ANTXR2: variants seen among roughly 807,000 people sequenced by gnomAD.
ANTXR2 encodes the protein anthrax toxin receptor 2.
ANTXR2 carries 44 observed loss-of-function variants against 73.7 expected under a neutral mutation model. That is an observed-to-expected ratio of 0.60 (90% confidence interval 0.47 to 0.77). The LOEUF (loss-of-function observed/expected upper bound fraction) is 0.77, where lower values mean the gene tolerates loss of function less well. ANTXR2 is among the 30% of genes least tolerant of loss of function. The pLI is 0.00. For synonymous variants in ANTXR2, 217 were observed against 205.9 expected, an observed-to-expected ratio of 1.05 and a Z score of -0.46; for missense variants, 604 against 592.5, an observed-to-expected ratio of 1.02 and a Z score of -0.20.
intron 12 of ANTXR2, among the ~76,000 whole-genome samples, chr4:79,991,969 C>T (rs1212993116): frequency 2.6e-5 from 4 of 151,726 alleles, no homozygotes; most frequent in African/African-American, 4.8e-5. Context: ...AGTGAGAACC[C>T]GGTAGAAAGG....
At chr4:80,046,944 A>G (rs1206674638) in intron 7 of ANTXR2, among the ~76,000 whole-genome samples, 1 of 151,798 alleles carries the variant, frequency 6.6e-6, no homozygotes, top group African/African-American at 2.4e-5. Context: ...ACATTTGGTG[A>G]CAAATATTAA....
intron 16 of ANTXR2, among the ~76,000 whole-genome samples, chr4:79,915,720 C>G (rs1727315623): frequency 6.6e-6 from 1 of 151,368 alleles, no homozygotes; most frequent in South Asian, 2.1e-4. Flanking sequence ...AACACAATAG[C>G]CATTTTGAGT....
At chr4:80,001,873 C>T (rs1161163025) in intron 12 of ANTXR2, among the ~76,000 whole-genome samples, 1 of 151,026 alleles carries the variant, frequency 6.6e-6, no homozygotes, top group Non-Finnish European at 1.5e-5. Flanking sequence ...GATTGCAACC[C>T]CTGCCTTTTT....
intron 16 of ANTXR2, among the ~76,000 whole-genome samples, chr4:79,967,157 C>T (rs1158739925): frequency 1.5e-5 from 1 of 66,142 alleles, no homozygotes; most frequent in African/African-American, 4.3e-5. Context: ...AAAGGGGTTA[C>T]GGATGCACCT....
intron 16 of ANTXR2, among the ~76,000 whole-genome samples, chr4:79,923,090 T>C (rs989714520): frequency 6.6e-6 from 1 of 152,014 alleles, no homozygotes; most frequent in African/African-American, 2.4e-5. Context: ...GGATGAGTGC[T>C]TAAAAATATT....
chr4:79,935,666 A>G (rs1728236258), intron 16 of ANTXR2, among the ~76,000 whole-genome samples: 1 of 152,214 alleles, frequency 6.6e-6, no homozygotes, highest in African/African-American at 2.4e-5. Flanking sequence ...GGCATGTGGG[A>G]TAGTGAGAAG....
chr4:80,014,104 G>C (rs1731723661), intron 11 of ANTXR2, among the ~76,000 whole-genome samples: 1 of 151,988 alleles, frequency 6.6e-6, no homozygotes. Flanking sequence ...TCTTCACTCG[G>C]TGTCTGGTCT....
In ANTXR2 at chr4:79,905,039, T is replaced by C. The variant is rs1010662099; in HGVS notation, c.*2390A>G. The C allele has an allele frequency of 1.3e-5, 2 of 152,182 alleles. No individual in the cohort carries two copies. Among genetic ancestry groups the C allele is most frequent in the Admixed American group, 1.3e-4 (2 of 15,262 alleles). 9.4% of individuals were successfully genotyped at this position (152,182 alleles called of 1,614,324 possible). A position where few individuals can be genotyped will look rare whatever the true frequency, so the allele number is the denominator to read the frequency against. On this transcript the variant is annotated 3_prime_UTR_variant, in exon 17 of 17. Transcript: ENST00000403729. ...CAGTCTTTGAACTTTATTAATGATA[T>C]TTTTTCAGTCTACATATAGACCACT... is the stretch of plus-strand genomic sequence containing the variant.
chr4:79,929,493 C>T (rs1206923992), intron 16 of ANTXR2, among the ~76,000 whole-genome samples: 2 of 152,148 alleles, frequency 1.3e-5, no homozygotes, highest in Non-Finnish European at 2.9e-5. Context: ...GGCTGGGCAA[C>T]AGAGCGAGAC....
At chr4:79,954,897 A>G (rs1332455705) in intron 16 of ANTXR2, among the ~76,000 whole-genome samples, 1 of 152,136 alleles carries the variant, frequency 6.6e-6, no homozygotes, top group Non-Finnish European at 1.5e-5. Context: ...AAAGTGATTG[A>G]TTTTCATTTA....
intron 11 of ANTXR2, among the ~76,000 whole-genome samples, chr4:80,016,354 T>C (rs1245079117): frequency 1.3e-5 from 2 of 152,164 alleles, no homozygotes; most frequent in Non-Finnish European, 1.5e-5. Context: ...TCTTTCTCTA[T>C]AATATGCTCC....
rs186450652 is a variant in ANTXR2 at position 80,067,931 on chromosome 4, T to A, written c.296+1505A>T. ...ATGCAGCAAACTACCACGGCACACG[T>A]TTACCTATGTAACAAACCTGCATGC... is the stretch of plus-strand genomic sequence containing the variant. On this transcript the variant is annotated intron_variant, in intron 3 of 16. Coordinates refer to ENST00000403729, the MANE Select transcript of ANTXR2 (RefSeq NM_058172.6). Among the ~76,000 whole-genome samples, 129 of 152,262 alleles carry A rather than the reference T, an allele frequency of 8.5e-4. 4 individuals are homozygous for A. The East Asian group carries it at 0.022, about 26-fold the overall frequency.
rs149709049 is a variant in ANTXR2, at chr4:80,059,257, T to C, written c.297-3244A>G. Among the ~76,000 whole-genome samples the C allele has an allele frequency of 3.3e-3, 495 of 152,014 alleles. 2 individuals carry two copies. The highest frequency in any genetic ancestry group is 6.8e-3 in the Middle Eastern group (2 of 294). On this transcript the variant is annotated intron_variant, in intron 3 of 16. Transcript: ENST00000403729. ...AGCCCTGGTTTTCTTTAATTGAGAA[T>C]TGGGGGACCAAATTCCATTATCAAC... is the stretch of plus-strand genomic sequence containing the variant.
Position 80,068,598 on chromosome 4 carries a change from C to T in ANTXR2, c.296+838G>A, listed in dbSNP as rs530218843. On this transcript the variant is annotated intron_variant, in intron 3 of 16. Coordinates refer to ENST00000403729, the MANE Select transcript of ANTXR2 (RefSeq NM_058172.6). ...AACCTGGCCAATACAGTGAAACCCC[C>T]GTCTCTACTAAAAAAATACAAAAAT... Among the ~76,000 whole-genome samples the T allele has an allele frequency of 8.0e-4, 122 of 152,020 alleles. 1 individual carries two copies. Among genetic ancestry groups the T allele is most frequent in the African/African-American group, 2.7e-3 (110 of 41,466 alleles).
intron 16 of ANTXR2, among the ~76,000 whole-genome samples, chr4:79,959,854 A>C (rs965409561): frequency 2.2e-4 from 34 of 152,342 alleles, no homozygotes; most frequent in African/African-American, 7.9e-4. Flanking sequence ...CGCATTGTCT[A>C]AGAATGATGT....
chr4:80,020,286 T>C (rs1351651098), intron 10 of ANTXR2, among the ~76,000 whole-genome samples: 1 of 152,064 alleles, frequency 6.6e-6, no homozygotes, highest in Non-Finnish European at 1.5e-5. Flanking sequence ...TTCAGGAGGC[T>C]GTGGCAGGAG....
chr4:80,029,791 A>C (rs7684375), intron 10 of ANTXR2, among the ~76,000 whole-genome samples: 15,750 of 151,572 alleles, frequency 0.1, 1,884 homozygotes, highest in East Asian at 0.65. Context: ...AGGCAACAAG[A>C]AGTATAAAAG....
chr4:80,038,626 A>G (rs1469384934), intron 7 of ANTXR2, among the ~76,000 whole-genome samples: 1 of 152,132 alleles, frequency 6.6e-6, no homozygotes, highest in Non-Finnish European at 1.5e-5. Context: ...AGTATAGCTT[A>G]CATTTGCTAA....
chr4:79,916,072 T>G (rs1408232601), intron 16 of ANTXR2, among the ~76,000 whole-genome samples: 1 of 151,940 alleles, frequency 6.6e-6, no homozygotes, highest in Non-Finnish European at 1.5e-5. Flanking sequence ...AAATTTACCT[T>G]TAAATGTTTT....
Sources: allele counts gnomAD v4.1 joint callset (sites outside exome capture counted in the v4.1 genomes callset), GRCh38; gene constraint gnomAD v4.1.1; transcripts MANE v1.5; gene names NCBI Gene and HGNC (gene_info 2026-07-23, HGNC 2026-07-21).